Variants in ROBO2 observed in about 807,000 individuals in gnomAD.
The protein encoded by ROBO2 is roundabout guidance receptor 2.
ROBO2 carries 53 observed loss-of-function variants against 160.8 expected under a neutral mutation model. The observed-to-expected ratio is 0.33, with a 90% CI of 0.26 to 0.41. The LOEUF is 0.41. ROBO2 is among the 10% of genes least tolerant of loss of function. ROBO2 has a pLI of 1.00. For synonymous variants in ROBO2, 664 were observed against 611.7 expected (o/e 1.09, Z -1.26); for missense variants, 1,577 against 1,722.4 (o/e 0.92, Z 1.49).
chr3:77,636,655 T>C (rs1446150596), intron 24 of ROBO2, among the ~76,000 whole-genome samples: 1 of 152,066 alleles, frequency 6.6e-6, no homozygotes, highest in Non-Finnish European at 1.5e-5. Flanking sequence ...TGACTTCCAA[T>C]AAAACATCAT....
intron 2 of ROBO2, among the ~76,000 whole-genome samples, chr3:76,986,413 C>A (rs2149350899): frequency 1.3e-5 from 2 of 152,092 alleles, no homozygotes; most frequent in African/African-American, 4.8e-5. Flanking sequence ...ATGAGTTTCA[C>A]CAAAAATATA....
intron 2 of ROBO2, among the ~76,000 whole-genome samples, chr3:76,175,697 T>G (rs949233070): frequency 6.6e-6 from 1 of 152,090 alleles, no homozygotes; most frequent in Non-Finnish European, 1.5e-5. Flanking sequence ...TATTTATACC[T>G]TGAGTCAATA....
intron 2 of ROBO2, among the ~76,000 whole-genome samples, chr3:77,117,041 C>T (rs2074277567): frequency 6.6e-6 from 1 of 152,108 alleles, no homozygotes; most frequent in Non-Finnish European, 1.5e-5. Context: ...TTGCAGAAAT[C>T]AGACGAGTTC....
chr3:76,247,279 C>T (rs1705677894), intron 2 of ROBO2, among the ~76,000 whole-genome samples: 1 of 152,020 alleles, frequency 6.6e-6, no homozygotes, highest in Admixed American at 6.6e-5. Context: ...GGCCACTGCT[C>T]CAATCAAAAA....
In ROBO2 at chr3:76,710,131, T is replaced by C. The variant is rs559765854; in HGVS notation, c.110-387883T>C. On this transcript the variant is annotated intron_variant, in intron 2 of 26. Transcript: ENST00000487694. ...TGTCCTTTTCTTTTTCTTTTCTTTT[T>C]TTTTTTGAGATAGAGTCTCACTCTG... Among the ~76,000 whole-genome samples, 99 of 151,882 alleles carry C rather than the reference T, an allele frequency of 6.5e-4. 4 individuals are homozygous for C. The South Asian group carries it at 0.02, about 31-fold the overall frequency.
At chr3:76,948,619 C>G (rs2078719133) in intron 2 of ROBO2, among the ~76,000 whole-genome samples, 1 of 137,498 alleles carries the variant, frequency 7.3e-6, no homozygotes, top group Non-Finnish European at 1.5e-5. Context: ...CGGAGTCTCA[C>G]CCTGTCACCC....
rs1441154343 is a variant in ROBO2 at position 77,322,821 on chromosome 3, TTATAA to T, written c.389-154588_389-154584del. On this transcript the variant is annotated intron_variant, in intron 2 of 25. Coordinates refer to ENST00000461745, the Ensembl canonical transcript of ROBO2. ...TAATATATTATATTATACATATGTA[TTATAA>T]TATATTATGTAATATATTATATTAT... Among the ~76,000 whole-genome samples the T allele has an allele frequency of 5.9e-4, 70 of 118,552 alleles. 1 individual carries two copies. Among genetic ancestry groups the T allele is most frequent in the Non-Finnish European group, 9.2e-4 (56 of 60,730 alleles). 77.8% of individuals were successfully genotyped at this position (118,552 alleles called of 152,430 possible). A position where few individuals can be genotyped will look rare whatever the true frequency, so the allele number is the denominator to read the frequency against.
intron 2 of ROBO2, among the ~76,000 whole-genome samples, chr3:76,268,457 G>C (rs1000161822): frequency 1.5e-4 from 23 of 152,176 alleles, no homozygotes; most frequent in Non-Finnish European, 3.4e-4. Flanking sequence ...CAATATGCCA[G>C]TCGTGTAGTT....
chr3:77,572,327 G>A (rs1159687310), intron 13 of ROBO2, among the ~76,000 whole-genome samples: 1 of 151,962 alleles, frequency 6.6e-6, no homozygotes, highest in African/African-American at 2.4e-5. Flanking sequence ...TTTGATGAAA[G>A]TCATCTCTCT....
chr3:77,490,911 C>T (rs371581104), intron 4 of ROBO2, among the ~76,000 whole-genome samples: 1 of 152,178 alleles, frequency 6.6e-6, no homozygotes, highest in Admixed American at 6.5e-5. Flanking sequence ...ACGCTTTGAC[C>T]TAATTCACGA....
At chr3:77,041,395 T>G (rs558861851) in intron 1 of ROBO2, among the ~76,000 whole-genome samples, 8 of 152,300 alleles carry the variant, frequency 5.3e-5, no homozygotes, top group South Asian at 2.1e-4. Flanking sequence ...AAAGTGAGAC[T>G]GGGCGAGGCT....
intron 2 of ROBO2, among the ~76,000 whole-genome samples, chr3:76,542,200 T>A (rs527432327): frequency 3.4e-4 from 52 of 152,274 alleles, no homozygotes; most frequent in Middle Eastern, 6.8e-3. Context: ...ATATTTTTTT[T>A]AAAAGTGAAG....
chr3:76,603,350 AAATATATATAT>A (rs1210910405), intron 2 of ROBO2, among the ~76,000 whole-genome samples: 2 of 63,242 alleles, frequency 3.2e-5, no homozygotes, highest in East Asian at 4.4e-4. Flanking sequence ...AAAAAAAAAA[AAATATATATAT>A]ATATATATAT....
chr3:76,948,438 C>A (rs2078704425), intron 2 of ROBO2, among the ~76,000 whole-genome samples: 1 of 151,642 alleles, frequency 6.6e-6, no homozygotes, highest in African/African-American at 2.4e-5. Context: ...TTATTTTAAC[C>A]ATTCGTATTT....
intron 2 of ROBO2, among the ~76,000 whole-genome samples, chr3:76,483,969 T>C (rs1427549785): frequency 6.6e-6 from 1 of 152,178 alleles, no homozygotes; most frequent in Non-Finnish European, 1.5e-5. Context: ...CTATCACTGA[T>C]GGTCATTTAG....
chr3:76,925,921 A>T (rs1294665503), intron 2 of ROBO2, among the ~76,000 whole-genome samples: 1 of 152,218 alleles, frequency 6.6e-6, no homozygotes, highest in African/African-American at 2.4e-5. Context: ...AAAAGATTAA[A>T]CTGTGCTTCC....
chr3:77,508,758 A>G (rs188666136), intron 5 of ROBO2, among the ~76,000 whole-genome samples: 82 of 152,184 alleles, frequency 5.4e-4, no homozygotes, highest in Admixed American at 9.8e-4. Context: ...GAATCTGTTT[A>G]TAATTTTTAT....
chr3:76,055,450 T>C (rs1164957227), intron 2 of ROBO2, among the ~76,000 whole-genome samples: 1 of 152,184 alleles, frequency 6.6e-6, no homozygotes, highest in African/African-American at 2.4e-5. Flanking sequence ...ACCCAAATAG[T>C]GAACATTATA....
At chr3:77,578,436 T>C (rs2093825513) in intron 15 of ROBO2, among the ~76,000 whole-genome samples, 1 of 152,086 alleles carries the variant, frequency 6.6e-6, no homozygotes, top group Non-Finnish European at 1.5e-5. Flanking sequence ...ATACATCTAA[T>C]ATAATACAAA....
Sources: gnomAD v4.1 joint callset for allele counts (sites outside exome capture counted in the v4.1 genomes callset) on GRCh38, gnomAD v4.1.1 for gene constraint, MANE v1.5 for transcripts, NCBI Gene and HGNC (gene_info 2026-07-23, HGNC 2026-07-21) for gene names.